CDK14: variants seen among roughly 807,000 people sequenced by gnomAD.
The protein encoded by CDK14 is cyclin dependent kinase 14, also known as cyclin-dependent kinase 14.
CDK14 carries 34 observed loss-of-function variants against 60.7 expected under a neutral mutation model. That is an observed-to-expected ratio of 0.56 (90% CI 0.43 to 0.75). The LOEUF is 0.75. Ranked by LOEUF, CDK14 falls within the 30% of genes least tolerant of loss-of-function variation. CDK14 has a pLI of 0.00. For synonymous variants in CDK14, 197 were observed against 203.7 expected (o/e 0.97, Z 0.28); for missense variants, 482 against 564.1 (o/e 0.85, Z 1.47).
chr7:90,874,570 G>A (rs1205643026), intron 6 of CDK14, among the ~76,000 whole-genome samples: 25 of 119,828 alleles, frequency 2.1e-4, no homozygotes, highest in East Asian at 5.5e-4. Context: ...CGCCCAGGCC[G>A]GACTGCGGAC....
In CDK14 at chr7:90,955,872, C is replaced by G. The variant is rs1794395087; in HGVS notation, c.947+55C>G. 6.3e-7 allele frequency: 1 copy of G among 1,592,560 alleles called. No individual in the cohort carries two copies. ...TCTATCTGTAGTGCTTGGTCTGGGT[C>G]AAGCCTAGACAAACATCCTAACAGT... is the stretch of plus-strand genomic sequence containing the variant. On this transcript the variant is annotated intron_variant, in intron 9 of 14. Coordinates refer to ENST00000380050, the MANE Select transcript of CDK14 (RefSeq NM_001287135.2).
chr7:90,624,039 A>C (rs1273010646), intron 2 of CDK14, among the ~76,000 whole-genome samples: 1 of 152,178 alleles, frequency 6.6e-6, no homozygotes. Flanking sequence ...ATTTCATATG[A>C]TATTTCAGTG....
chr7:91,146,190 T>G (rs1800632469), intron 14 of CDK14, among the ~76,000 whole-genome samples: 1 of 152,130 alleles, frequency 6.6e-6, no homozygotes, highest in Non-Finnish European at 1.5e-5. Context: ...TCTGGGGTTC[T>G]TATTGATTGA....
chr7:90,930,073 C>T (rs1165813722), intron 8 of CDK14, among the ~76,000 whole-genome samples: 1 of 151,822 alleles, frequency 6.6e-6, no homozygotes, highest in East Asian at 1.9e-4. Context: ...AAACAGTGTA[C>T]AGACCATTAT....
At chr7:91,185,484 A>G (rs991785221) in intron 14 of CDK14, among the ~76,000 whole-genome samples, 1 of 152,078 alleles carries the variant, frequency 6.6e-6, no homozygotes, top group Non-Finnish European at 1.5e-5. Flanking sequence ...CACTTACCAT[A>G]TAGAACTACT....
intron 14 of CDK14, among the ~76,000 whole-genome samples, chr7:91,194,618 A>T (rs1802476995): frequency 6.6e-6 from 1 of 152,142 alleles, no homozygotes; most frequent in Admixed American, 6.5e-5. Context: ...GGGCCACGAG[A>T]CATGATAGGT....
chr7:90,685,281 A>G (rs1288742497), intron 2 of CDK14, among the ~76,000 whole-genome samples: 3 of 152,036 alleles, frequency 2.0e-5, no homozygotes, highest in Non-Finnish European at 4.4e-5. Flanking sequence ...TTCTTAATAT[A>G]TGCTTGGGCC....
intron 12 of CDK14, among the ~76,000 whole-genome samples, chr7:91,104,849 G>A (rs975423547): frequency 6.6e-6 from 1 of 152,180 alleles, no homozygotes; most frequent in South Asian, 2.1e-4. Flanking sequence ...TTAAAAGAGA[G>A]AGATGGGGCA....
intron 5 of CDK14, among the ~76,000 whole-genome samples, chr7:90,857,551 A>G (rs531158893): frequency 1.3e-5 from 2 of 152,374 alleles, no homozygotes; most frequent in East Asian, 1.9e-4. Context: ...AAACATTGCC[A>G]TATGTTTACC....
chr7:91,114,229 T>C (rs953813198), intron 13 of CDK14, among the ~76,000 whole-genome samples: 3 of 152,216 alleles, frequency 2.0e-5, no homozygotes, highest in Non-Finnish European at 4.4e-5. Flanking sequence ...TTTGATGGTC[T>C]ATGAATTCTG....
Position 90,745,405 on chromosome 7 carries a change from C to G in CDK14, c.370-2276C>G, listed in dbSNP as rs566502882. Among the ~76,000 whole-genome samples the G allele has an allele frequency of 8.7e-4, 133 of 152,320 alleles. 1 individual carries two copies. The highest frequency in any genetic ancestry group is 3.1e-3 in the East Asian group (16 of 5,194). On this transcript the variant is annotated intron_variant, in intron 3 of 14. Transcript: ENST00000380050. ...TTTTTGCACCGATTACAATCTATGA[C>G]AATATGCTTGCTGAATAATTTTTCT...
chr7:90,985,670 A>T lies in CDK14; in HGVS notation c.1041+1429A>T, dbSNP rs1795353462. On this transcript the variant is annotated intron_variant, in intron 10 of 14. Transcript: ENST00000380050. ...GTATTCCCTTAATGTCAGCAATAAA[A>T]TGGTAAGAAAAGAAGACTGGAAACT... Among the ~76,000 whole-genome samples the T allele has an allele frequency of 3.3e-5, 5 of 152,146 alleles. No homozygotes were observed. In the South Asian group the frequency reaches 1.0e-3, roughly 32 times the overall value.
At chr7:90,600,237 T>A (rs1189662172) in intron 1 of CDK14, among the ~76,000 whole-genome samples, 9 of 152,212 alleles carry the variant, frequency 5.9e-5, no homozygotes, top group Admixed American at 3.3e-4. Flanking sequence ...CACTTTTTTT[T>A]AAAATTTAGG....
chr7:90,607,398 C>T (rs559859582), intron 2 of CDK14, among the ~76,000 whole-genome samples: 1 of 152,296 alleles, frequency 6.6e-6, no homozygotes, highest in African/African-American at 2.4e-5. Context: ...AAGGAGTGGC[C>T]TCTTCCAGAG....
At chr7:90,654,606 T>C (rs1015541583) in intron 2 of CDK14, among the ~76,000 whole-genome samples, 3 of 152,166 alleles carry the variant, frequency 2.0e-5, no homozygotes, top group African/African-American at 7.2e-5. Flanking sequence ...TGTTCCAGGA[T>C]TTAAGATGCA....
intron 9 of CDK14, among the ~76,000 whole-genome samples, chr7:90,976,924 G>A (rs771001687): frequency 5.9e-5 from 9 of 152,078 alleles, no homozygotes; most frequent in Non-Finnish European, 8.8e-5. Flanking sequence ...CTGTACAGAA[G>A]CTTTTAGTGT....
intron 9 of CDK14, among the ~76,000 whole-genome samples, chr7:90,957,716 C>T (rs1173632228): frequency 7.9e-5 from 12 of 151,806 alleles, no homozygotes; most frequent in African/African-American, 1.9e-4. Context: ...TACAAACAAA[C>T]GGAAGAACAT....
At chr7:90,649,231 C>G (rs1313352641) in intron 2 of CDK14, among the ~76,000 whole-genome samples, 1 of 126,784 alleles carries the variant, frequency 7.9e-6, no homozygotes, top group East Asian at 3.8e-4. Context: ...CAGCTCTAGC[C>G]TATAGTTTCT....
chr7:90,772,647 C>T (rs1804833673), intron 4 of CDK14, among the ~76,000 whole-genome samples: 7 of 152,134 alleles, frequency 4.6e-5, no homozygotes, highest in Admixed American at 3.9e-4. Flanking sequence ...CGCCCTTCTG[C>T]CATGATTGTA....
Sources: gnomAD v4.1 joint callset for allele counts (sites outside exome capture counted in the v4.1 genomes callset) on GRCh38, gnomAD v4.1.1 for gene constraint, MANE v1.5 for transcripts, NCBI Gene and HGNC (gene_info 2026-07-23, HGNC 2026-07-21) for gene names.